RRN3: variants seen among roughly 807,000 people sequenced by gnomAD.
RRN3 encodes the protein RNA polymerase I-specific transcription initiation factor RRN3.
A neutral mutation model predicts 82.3 loss-of-function variants in RRN3; 38 were observed. That is an observed-to-expected ratio of 0.46 (90% CI 0.36 to 0.61). The LOEUF is 0.61. Among genes scored for constraint, RRN3 ranks in the 20% least tolerant of loss-of-function variants. The pLI is 0.00. For synonymous variants in RRN3, 284 were observed against 284.3 expected (o/e 1.00, Z 0.01); for missense variants, 726 against 793.1 (o/e 0.92, Z 1.02).
intron 11 of RRN3, 160 bp downstream of exon 11, chr16:15,074,563 G>C (rs1189487082): frequency 4.2e-5 from 19 of 454,634 alleles, no homozygotes; most frequent in Non-Finnish European, 6.4e-5. Context: ...CAAGCTATGT[G>C]ACTGGCAAGT....
intron 16 of RRN3, among the ~76,000 whole-genome samples, chr16:15,065,018 T>G (rs1187000982): frequency 6.6e-6 from 1 of 151,912 alleles, no homozygotes; most frequent in South Asian, 2.1e-4. Flanking sequence ...TACAAAAAAT[T>G]AGCCAGGCGT....
chr16:15,070,866 T>C lies in RRN3; in HGVS notation c.1259+255A>G, dbSNP rs1597902929. ...AAACAGTATACAACACTGTCCTCTA[T>C]CCACAAAACAAATGGATCTTTAAGT... On this transcript the variant is annotated intron_variant, in intron 13 of 17. Coordinates refer to ENST00000198767, the MANE Select transcript of RRN3 (RefSeq NM_018427.5). Among the ~76,000 whole-genome samples the C allele has an allele frequency of 2.6e-5, 4 of 152,148 alleles. No homozygotes were observed. In the East Asian group the frequency reaches 5.8e-4, roughly 22 times the overall value.
intron 7 of RRN3, among the ~76,000 whole-genome samples, chr16:15,084,396 C>G (rs1320852894): frequency 6.6e-6 from 1 of 151,986 alleles, no homozygotes; most frequent in Non-Finnish European, 1.5e-5. Context: ...AAGATAAAAG[C>G]AAAATTCCAA....
intron 8 of RRN3, among the ~76,000 whole-genome samples, chr16:15,082,445 G>C (rs959062700): frequency 1.5e-4 from 23 of 152,010 alleles, no homozygotes; most frequent in Admixed American, 5.9e-4. Flanking sequence ...GGTGGAGACG[G>C]GTAGATCGCT....
chr16:15,082,205 G>A (rs1194989516), intron 8 of RRN3, among the ~76,000 whole-genome samples: 1 of 152,162 alleles, frequency 6.6e-6, no homozygotes, highest in Non-Finnish European at 1.5e-5. Flanking sequence ...TGAATATGAT[G>A]TTAGCTGTGG....
At chr16:15,071,415 A>C (rs1308753261) in intron 12 of RRN3, among the ~76,000 whole-genome samples, 164 bp from the exon 13 acceptor site, 2 of 152,224 alleles carry the variant, frequency 1.3e-5, no homozygotes, top group Non-Finnish European at 2.9e-5. Context: ...TATCATTAAA[A>C]ACAAAAGGCA....
At chr16:15,094,317 T>C, upstream of RRN3, 8 of 1,262,938 alleles carry the variant, frequency 6.3e-6, no homozygotes, top group Admixed American at 2.2e-5. Context: ...AAGTTGCGCG[T>C]GCCAGCGCAA....
intron 3 of RRN3, among the ~76,000 whole-genome samples, chr16:15,090,035 C>T (rs1214813021): frequency 6.6e-6 from 1 of 151,590 alleles, no homozygotes; most frequent in Non-Finnish European, 1.5e-5. Context: ...ATGGTGAAAC[C>T]CCGTTTCTAC....
At chr16:15,084,590 A>G in intron 7 of RRN3, 52 bp downstream of exon 7, 1 of 1,275,368 alleles carries the variant, frequency 7.8e-7, no homozygotes, top group Non-Finnish European at 1.1e-6. Flanking sequence ...TTACTAATTG[A>G]TTACAATTTT....
chr16:15,062,637 G>C (rs1490543316), intron 17 of RRN3, among the ~76,000 whole-genome samples: 2 of 152,136 alleles, frequency 1.3e-5, no homozygotes, highest in East Asian at 3.8e-4. Context: ...TAAACTGCTG[G>C]GGCAATTTCA....
intron 9 of RRN3, among the ~76,000 whole-genome samples, chr16:15,078,715 G>T (rs902377801): frequency 2.0e-5 from 3 of 151,692 alleles, no homozygotes; most frequent in Non-Finnish European, 2.9e-5. Flanking sequence ...CTGCAGCCAC[G>T]ACTGCCTGTG....
chr16:15,081,301 CA>C (rs1213719674), intron 8 of RRN3, among the ~76,000 whole-genome samples: 1 of 152,168 alleles, frequency 6.6e-6, no homozygotes, highest in African/African-American at 2.4e-5. Context: ...GGCTATTTTC[CA>C]AAATGGCTGC....
In RRN3 at chr16:15,065,328, T is replaced by C; in HGVS notation, c.1597A>G (p.Asn533Asp). ...CTAATGACTGGCAGCATCTGGCGATTGTTCCTCTCAATGATGGTGTAGCAG... is the reference window on the plus strand; with the variant it reads ...CTAATGACTGGCAGCATCTGGCGATCGTTCCTCTCAATGATGGTGTAGCAG... ...VFCYTIIERN[N>D]RQMLPVIRST... The change falls in exon 16 of 18, where the codon AAT becomes GAT. Residue 533 changes from asparagine to aspartate, a missense_variant. By Grantham distance (23) the Asn-to-Asp change is conservative. This residue lies in a region of RRN3 where 166 missense variants were observed against 154.8 expected (regional missense o/e 1.07). Coordinates refer to ENST00000198767, the MANE Select transcript of RRN3 (RefSeq NM_018427.5). 1.2e-6 allele frequency: 2 copies of C among 1,613,798 alleles called. No homozygotes were observed. Among genetic ancestry groups the C allele is most frequent in the South Asian group, 2.2e-5 (2 of 91,064 alleles).
At chr16:15,074,563 G>A (rs1189487082) in intron 11 of RRN3, 160 bp downstream of exon 11, 3 of 454,634 alleles carry the variant, frequency 6.6e-6, no homozygotes, top group Admixed American at 8.4e-5. Context: ...CAAGCTATGT[G>A]ACTGGCAAGT....
At chr16:15,093,740 C>A (rs188128411) in intron 1 of RRN3, among the ~76,000 whole-genome samples, 1 of 152,150 alleles carries the variant, frequency 6.6e-6, no homozygotes, top group Non-Finnish European at 1.5e-5. Context: ...TGTGTCGAAA[C>A]AAATTCCAAA....
intron 10 of RRN3, among the ~76,000 whole-genome samples, chr16:15,075,755 C>A (rs914242547): frequency 6.6e-6 from 1 of 152,112 alleles, no homozygotes; most frequent in African/African-American, 2.4e-5. Flanking sequence ...ATCACAGATG[C>A]CCCCTACCTC....
intron 16 of RRN3, among the ~76,000 whole-genome samples, chr16:15,064,138 C>G (rs2044847494): frequency 1.3e-5 from 2 of 152,022 alleles, no homozygotes; most frequent in African/African-American, 4.8e-5. Context: ...CAGTGGTTTT[C>G]TAGAACAACT....
chr16:15,063,446 C>T (rs1267524533), intron 16 of RRN3, among the ~76,000 whole-genome samples, 163 bp from the exon 17 acceptor site: 4 of 152,108 alleles, frequency 2.6e-5, no homozygotes, highest in East Asian at 1.9e-4. Flanking sequence ...CAGTGGCTCA[C>T]GCCTGTAATC....
intron 17 of RRN3, 108 bp downstream of exon 17, chr16:15,063,088 C>A (rs1360293426): frequency 3.9e-5 from 33 of 856,020 alleles, no homozygotes; most frequent in Non-Finnish European, 6.1e-5. Flanking sequence ...CCTTGACCCC[C>A]TAAAGTGCGG....
Sources: gnomAD v4.1 joint callset for allele counts (sites outside exome capture counted in the v4.1 genomes callset) on GRCh38, gnomAD v4.1.1 for gene constraint, gnomAD v4.1.1 regional missense constraint, MANE v1.5 for transcripts, NCBI Gene and HGNC (gene_info 2026-07-23, HGNC 2026-07-21) for gene names.